The following DDX10 variants were observed in gnomAD, a reference collection of about 807,000 sequenced individuals.
The protein encoded by DDX10 is DEAD-box helicase 10.
A neutral mutation model predicts 104.3 loss-of-function variants in DDX10; 74 were observed. The observed-to-expected ratio is 0.71, with a 90% CI of 0.59 to 0.86. DDX10 has a LOEUF of 0.86. DDX10 is among the 40% of genes least tolerant of loss of function. DDX10 has a pLI of 0.00. For synonymous variants in DDX10, 351 were observed against 353.4 expected, an observed-to-expected ratio of 0.99 and a Z score of 0.08; for missense variants, 952 against 1,040.0, an observed-to-expected ratio of 0.92 and a Z score of 1.16.
chr11:108,733,557 C>A (rs754191800), intron 13 of DDX10, among the ~76,000 whole-genome samples: 1 of 152,182 alleles, frequency 6.6e-6, no homozygotes, highest in Non-Finnish European at 1.5e-5. Flanking sequence ...GGTTCACTTA[C>A]TTCCTTGCCT....
chr11:108,728,003 A>G (rs532404357), intron 13 of DDX10, among the ~76,000 whole-genome samples: 43 of 152,218 alleles, frequency 2.8e-4, no homozygotes, highest in Non-Finnish European at 5.9e-4. Context: ...TAGTAAATGC[A>G]AATTTTATTA....
At chr11:108,899,825 A>G (rs1863492018) in intron 16 of DDX10, among the ~76,000 whole-genome samples, 2 of 152,132 alleles carry the variant, frequency 1.3e-5, no homozygotes, top group African/African-American at 4.8e-5. Flanking sequence ...AAAAATGTGT[A>G]GTACCGTGTC....
At chr11:108,728,672 G>A (rs1475980606) in intron 13 of DDX10, among the ~76,000 whole-genome samples, 8 of 151,852 alleles carry the variant, frequency 5.3e-5, no homozygotes, top group Admixed American at 2.0e-4. Context: ...ATGCTACCAT[G>A]CCTGGGTAAT....
At chr11:108,912,776 T>G (rs1273459838) in intron 16 of DDX10, among the ~76,000 whole-genome samples, 1 of 152,108 alleles carries the variant, frequency 6.6e-6, no homozygotes, top group Non-Finnish European at 1.5e-5. Flanking sequence ...GTGAGAAAAA[T>G]GCTTATCTGA....
chr11:108,845,085 G>T (rs1312596468), intron 15 of DDX10, among the ~76,000 whole-genome samples: 1 of 152,070 alleles, frequency 6.6e-6, no homozygotes, highest in Non-Finnish European at 1.5e-5. Context: ...GCGGGCGCCT[G>T]TAGTCCCAGC....
intron 13 of DDX10, among the ~76,000 whole-genome samples, chr11:108,742,702 A>G (rs902502842): frequency 6.6e-6 from 1 of 152,182 alleles, no homozygotes; most frequent in Non-Finnish European, 1.5e-5. Context: ...ATCAGAAATG[A>G]CAGAACATTA....
chr11:108,900,675 A>G (rs1330425697), intron 16 of DDX10, among the ~76,000 whole-genome samples: 5 of 152,194 alleles, frequency 3.3e-5, no homozygotes, highest in African/African-American at 1.2e-4. Context: ...TAGCAGAAGT[A>G]ACTACCACTG....
chr11:108,786,466 A>G (rs1271360548), intron 13 of DDX10, among the ~76,000 whole-genome samples: 1 of 152,190 alleles, frequency 6.6e-6, no homozygotes, highest in East Asian at 1.9e-4. Context: ...TCCCACTACT[A>G]TTGTGTAATA....
At chr11:108,884,797 C>T (rs1863273050) in intron 16 of DDX10, among the ~76,000 whole-genome samples, 1 of 152,172 alleles carries the variant, frequency 6.6e-6, no homozygotes, top group Non-Finnish European at 1.5e-5. Context: ...CAAAGATTTT[C>T]CCCCTTAACT....
chr11:108,666,237 G>C (rs1176910082), intron 1 of DDX10, among the ~76,000 whole-genome samples: 1 of 152,098 alleles, frequency 6.6e-6, no homozygotes, highest in African/African-American at 2.4e-5. Flanking sequence ...CCACAAACTT[G>C]GCGGCTTAAA....
chr11:108,685,733 C>G (rs963529136), intron 6 of DDX10, among the ~76,000 whole-genome samples: 1 of 152,140 alleles, frequency 6.6e-6, no homozygotes, highest in African/African-American at 2.4e-5. Context: ...TTTATTAAGC[C>G]TCATTTAAAA....
chr11:108,732,413 A>G (rs1003915741), intron 13 of DDX10, among the ~76,000 whole-genome samples: 4 of 152,166 alleles, frequency 2.6e-5, no homozygotes, highest in Non-Finnish European at 4.4e-5. Context: ...GTAATTGGGT[A>G]ATGTCAGTGT....
In DDX10 at chr11:108,823,264, C is replaced by T. The variant is rs148344739; in HGVS notation, c.1966-15182C>T. 5.9e-5 allele frequency among the ~76,000 whole-genome samples: 9 copies of T among 152,270 alleles called. No homozygotes were observed. In the East Asian group the frequency reaches 1.7e-3, roughly 29 times the overall value. Reference sequence around the variant, plus strand: ...ACACATAGGCTAGCCTTTGACTTTTCATTTGGTACTTTCTGCTTAGCTAAT... The same window carrying T: ...ACACATAGGCTAGCCTTTGACTTTTTATTTGGTACTTTCTGCTTAGCTAAT... On this transcript the variant is annotated intron_variant, in intron 13 of 17. Coordinates refer to ENST00000322536, the MANE Select transcript of DDX10 (RefSeq NM_004398.4).
chr11:108,718,144 A>G (rs936620803), intron 11 of DDX10, among the ~76,000 whole-genome samples: 1 of 151,808 alleles, frequency 6.6e-6, no homozygotes, highest in Admixed American at 6.6e-5. Flanking sequence ...CAGCTGGCCT[A>G]CAGAGCGAGG....
chr11:108,848,385 C>T (rs1317061374), intron 15 of DDX10, among the ~76,000 whole-genome samples: 1 of 152,168 alleles, frequency 6.6e-6, no homozygotes, highest in African/African-American at 2.4e-5. Flanking sequence ...ACAAGGGACT[C>T]AGTATCTGGT....
chr11:108,757,692 AC>A (rs1264003857), intron 13 of DDX10, among the ~76,000 whole-genome samples: 5 of 151,900 alleles, frequency 3.3e-5, no homozygotes, highest in African/African-American at 1.2e-4. Context: ...CCTCTTGAAA[AC>A]TTTTTTCCCT....
chr11:108,899,566 A>G (rs1863488090), intron 16 of DDX10, among the ~76,000 whole-genome samples: 1 of 152,012 alleles, frequency 6.6e-6, no homozygotes, highest in African/African-American at 2.4e-5. Context: ...CTTTCATATG[A>G]TAGTTGGTAC....
At chr11:108,720,192 T>A (rs1016866016) in intron 12 of DDX10, among the ~76,000 whole-genome samples, 2 of 152,354 alleles carry the variant, frequency 1.3e-5, no homozygotes, top group Admixed American at 6.5e-5. Flanking sequence ...GGCAGAAAAT[T>A]AGTTCAGTGT....
At chr11:108,810,945 A>G (rs540751090) in intron 13 of DDX10, among the ~76,000 whole-genome samples, 3 of 152,212 alleles carry the variant, frequency 2.0e-5, no homozygotes, top group East Asian at 3.9e-4. Context: ...CTTCTTTGCT[A>G]TATACTTTTT....
Sources: allele counts gnomAD v4.1 joint callset (sites outside exome capture counted in the v4.1 genomes callset), GRCh38; gene constraint gnomAD v4.1.1; transcripts MANE v1.5; gene names NCBI Gene and HGNC (gene_info 2026-07-23, HGNC 2026-07-21).